The following TCF7L1 variants were observed in gnomAD, a reference collection of about 807,000 sequenced individuals.
TCF7L1 encodes transcription factor 7-like 1.
Under a neutral mutation model 63.7 loss-of-function variants are expected in TCF7L1, and 18 were observed. The ratio of observed to expected loss-of-function variants is 0.28; its 90% CI spans 0.20 to 0.42. The LOEUF is 0.42. TCF7L1 is among the 10% of genes least tolerant of loss of function. The pLI is 1.00. For synonymous variants in TCF7L1, 355 were observed against 340.9 expected, an observed-to-expected ratio of 1.04 and a Z score of -0.46; for missense variants, 654 against 779.3, an observed-to-expected ratio of 0.84 and a Z score of 1.91.
At chr2:85,209,619 C>T (rs1397816321) in intron 3 of TCF7L1, among the ~76,000 whole-genome samples, 1 of 152,068 alleles carries the variant, frequency 6.6e-6, no homozygotes, top group Non-Finnish European at 1.5e-5. Context: ...GTCCACAGAC[C>T]CCTGCTTCAG....
chr2:85,185,156 T>A (rs1396092386), intron 3 of TCF7L1, among the ~76,000 whole-genome samples: 4 of 152,146 alleles, frequency 2.6e-5, no homozygotes, highest in Non-Finnish European at 5.9e-5. Context: ...GAAATTAGCT[T>A]CAGGAGAGTG....
intron 3 of TCF7L1, among the ~76,000 whole-genome samples, chr2:85,166,332 A>C (rs1678418399): frequency 6.6e-6 from 1 of 152,222 alleles, no homozygotes; most frequent in African/African-American, 2.4e-5. Flanking sequence ...CTGGGGCTAG[A>C]CCTTGGGAGC....
intron 3 of TCF7L1, among the ~76,000 whole-genome samples, chr2:85,183,451 T>A (rs911854775): frequency 6.6e-6 from 1 of 152,184 alleles, no homozygotes. Flanking sequence ...TCATTGGACC[T>A]GATGGACTTT....
chr2:85,232,621 T>C (rs1229394737), intron 3 of TCF7L1, among the ~76,000 whole-genome samples: 1 of 152,224 alleles, frequency 6.6e-6, no homozygotes, highest in African/African-American at 2.4e-5. Context: ...TGCATTCTCC[T>C]TCCCACTATT....
chr2:85,253,302 G>A (rs17712901), intron 3 of TCF7L1, among the ~76,000 whole-genome samples: 51,190 of 148,628 alleles, frequency 0.34, 9,469 homozygotes, highest in Non-Finnish European at 0.43. Flanking sequence ...TCAGAAGTGT[G>A]ATTGTCGTTT....
intron 3 of TCF7L1, among the ~76,000 whole-genome samples, chr2:85,154,427 T>C (rs1471961563): frequency 6.6e-6 from 1 of 152,190 alleles, no homozygotes; most frequent in African/African-American, 2.4e-5. Flanking sequence ...TCTGCAGGAC[T>C]TCTCAGGCCT....
chr2:85,297,094 AG>A (rs1458728850), intron 4 of TCF7L1, among the ~76,000 whole-genome samples: 1 of 152,224 alleles, frequency 6.6e-6, no homozygotes, highest in Non-Finnish European at 1.5e-5. Flanking sequence ...ACAAAAATAA[AG>A]GTAACCTTAG....
At chr2:85,153,906 T>TC (rs1459063602) in intron 3 of TCF7L1, among the ~76,000 whole-genome samples, 2 of 152,234 alleles carry the variant, frequency 1.3e-5, no homozygotes, top group Admixed American at 6.5e-5. Flanking sequence ...AAAGCTGTCT[T>TC]CCTCTTAGAC....
intron 3 of TCF7L1, among the ~76,000 whole-genome samples, chr2:85,221,567 ACG>A (rs945570031): frequency 6.6e-6 from 1 of 152,186 alleles, no homozygotes; most frequent in Non-Finnish European, 1.5e-5. Context: ...GCAAGAGAGT[ACG>A]CCTGTGTGTG....
At chr2:85,181,902 T>C (rs1558626168) in intron 3 of TCF7L1, among the ~76,000 whole-genome samples, 1 of 152,058 alleles carries the variant, frequency 6.6e-6, no homozygotes, top group Non-Finnish European at 1.5e-5. Flanking sequence ...CAAGGCATGC[T>C]GAATGCAGCC....
chr2:85,176,986 CAAAAAAAA>C (rs774094748), intron 3 of TCF7L1, among the ~76,000 whole-genome samples: 4 of 66,806 alleles, frequency 6.0e-5, no homozygotes, highest in African/African-American at 1.9e-4. Flanking sequence ...GACTCTGTCT[CAAAAAAAA>C]AAAAAAAAAA....
At chr2:85,267,417 AG>A (rs1400072097) in intron 3 of TCF7L1, among the ~76,000 whole-genome samples, 1 of 150,328 alleles carries the variant, frequency 6.7e-6, no homozygotes, top group Non-Finnish European at 1.5e-5. Flanking sequence ...TGGGAGGCCG[AG>A]GCAGGTGGAT....
At chr2:85,257,865 A>C (rs1015817618) in intron 3 of TCF7L1, among the ~76,000 whole-genome samples, 12 of 152,154 alleles carry the variant, frequency 7.9e-5, no homozygotes, top group Non-Finnish European at 7.3e-5. Flanking sequence ...TATGAATGTC[A>C]TGGTTCCTTC....
intron 3 of TCF7L1, among the ~76,000 whole-genome samples, chr2:85,187,470 C>G (rs1046489456): frequency 1.3e-5 from 2 of 152,158 alleles, no homozygotes; most frequent in African/African-American, 4.8e-5. Context: ...ACATTGAAGT[C>G]TTAAGTCTTA....
chr2:85,238,792 TA>T (rs1680254038), intron 3 of TCF7L1, among the ~76,000 whole-genome samples: 1 of 113,596 alleles, frequency 8.8e-6, no homozygotes, highest in African/African-American at 4.9e-5. Context: ...TTTATTTATT[TA>T]TTTATTTATT....
intron 3 of TCF7L1, among the ~76,000 whole-genome samples, chr2:85,191,883 A>G (rs1410670698): frequency 6.6e-6 from 1 of 152,126 alleles, no homozygotes; most frequent in Non-Finnish European, 1.5e-5. Context: ...CCAACTTCCT[A>G]CAAAGGGAAG....
chr2:85,295,171 TAA>T, intron 4 of TCF7L1, among the ~76,000 whole-genome samples: 1 of 152,200 alleles, frequency 6.6e-6, no homozygotes. Context: ...TTGTAATTCT[TAA>T]TACACAGTAA....
rs372456164 is a variant in TCF7L1, at chr2:85,303,239, G to A, written c.658+623G>A. On this transcript the variant is annotated intron_variant, in intron 5 of 11. Transcript: ENST00000282111. ...TTTAGTAGAGATGGGTTTCTGCCAT[G>A]TTGCCCAGGCTGGTCTCAAACTCCT... 1.4e-4 allele frequency among the ~76,000 whole-genome samples: 21 copies of A among 152,128 alleles called. No homozygotes were observed. The South Asian group carries it at 1.5e-3, about 11-fold the overall frequency.
intron 3 of TCF7L1, among the ~76,000 whole-genome samples, chr2:85,198,703 T>C (rs1015430623): frequency 4.6e-5 from 7 of 152,054 alleles, no homozygotes; most frequent in African/African-American, 9.7e-5. Flanking sequence ...ATCCCGTCTC[T>C]ACAAAAAATT....
Sources: allele counts gnomAD v4.1 joint callset (sites outside exome capture counted in the v4.1 genomes callset), GRCh38; gene constraint gnomAD v4.1.1; transcripts MANE v1.5; gene names NCBI Gene and HGNC (gene_info 2026-07-23, HGNC 2026-07-21).